Variants in ZZEF1 observed in about 807,000 individuals in gnomAD.
ZZEF1 encodes zinc finger ZZ-type and EF-hand domain containing 1, also known as zinc finger ZZ-type and EF-hand domain-containing protein 1.
A neutral mutation model predicts 342.8 loss-of-function variants in ZZEF1; 157 were observed. The ratio of observed to expected loss-of-function variants is 0.46; its 90% CI spans 0.40 to 0.52. The LOEUF (loss-of-function observed/expected upper bound fraction) is 0.52, where lower values mean the gene tolerates loss of function less well. Ranked by LOEUF, ZZEF1 falls within the 20% of genes least tolerant of loss-of-function variation. The pLI, the probability that ZZEF1 is intolerant of heterozygous loss-of-function variation, is 0.00. For missense variants in ZZEF1, 3,480 were observed against 3,725.6 expected, an observed-to-expected ratio of 0.93 and a Z score of 1.72; for synonymous variants, 1,505 against 1,429.1, an observed-to-expected ratio of 1.05 and a Z score of -1.20.
intron 37 of ZZEF1, among the ~76,000 whole-genome samples, chr17:4,045,023 G>A (rs1163028201): frequency 2.6e-5 from 4 of 152,172 alleles, no homozygotes; most frequent in South Asian, 2.1e-4. Context: ...GCGTGGTGGC[G>A]TGAGCCTGTA....
intron 30 of ZZEF1, among the ~76,000 whole-genome samples, chr17:4,059,926 C>A (rs2057248875): frequency 6.6e-6 from 1 of 152,222 alleles, no homozygotes; most frequent in African/African-American, 2.4e-5. Flanking sequence ...GGTAGGACTC[C>A]AACAGCAGCC....
At chr17:4,102,060 A>G (rs2058136301) in intron 9 of ZZEF1, among the ~76,000 whole-genome samples, 1 of 152,226 alleles carries the variant, frequency 6.6e-6, no homozygotes, top group South Asian at 2.1e-4. Flanking sequence ...AAAAAATAGT[A>G]ACTTTTTATA....
At chr17:4,026,678 G>A (rs183654324) in intron 42 of ZZEF1, among the ~76,000 whole-genome samples, 12 of 151,502 alleles carry the variant, frequency 7.9e-5, no homozygotes, top group South Asian at 2.1e-4. Context: ...TCCACCACAC[G>A]CCCAGATATT....
Position 4,130,926 on chromosome 17 carries a change from C to T in ZZEF1, c.355-6875G>A, listed in dbSNP as rs555174721. Among the ~76,000 whole-genome samples the T allele has an allele frequency of 3.9e-5, 6 of 152,158 alleles. No individual in the cohort carries two copies. The South Asian group carries it at 1.0e-3, about 26-fold the overall frequency. ...GTTTCTATGTCAAAGGTCAAGAATC[C>T]GAATGGGACTCGATCAGCAGTCACA... On this transcript the variant is annotated intron_variant, in intron 1 of 54. Coordinates refer to ENST00000381638, the MANE Select transcript of ZZEF1 (RefSeq NM_015113.4).
chr17:4,059,441 G>T, intron 30 of ZZEF1, 151 bp from the exon 31 acceptor site: 1 of 953,884 alleles, frequency 1.0e-6, no homozygotes, highest in Non-Finnish European at 1.5e-6. Context: ...AATACCTATA[G>T]AAGGTAACAC....
intron 1 of ZZEF1, among the ~76,000 whole-genome samples, chr17:4,138,110 G>A (rs2058783875): frequency 6.6e-6 from 1 of 152,200 alleles, no homozygotes; most frequent in Admixed American, 6.5e-5. Flanking sequence ...GCTGATGTGT[G>A]GGCTTCAACC....
chr17:4,016,700 C>A lies in ZZEF1; in HGVS notation c.8002-234G>T, dbSNP rs542560508. On this transcript the variant is annotated intron_variant, in intron 48 of 54. Transcript: ENST00000381638. The surrounding 1 kb of genome is among the most constrained non-coding windows in gnomAD (Gnocchi z 4.4). ...CAGAATGATGCTACTTAGAGGTGGT[C>A]TGAAAGAACTAACTGAACCAATCAT... The A allele has an allele frequency of 4.1e-5, 19 of 468,390 alleles. No individual in the cohort carries two copies. The Admixed American group carries it at 6.5e-4, about 16-fold the overall frequency. The allele number at this position is 468,390 out of a possible 1,614,324, so 29.0% of individuals were successfully genotyped here.
chr17:4,037,931 C>G lies in ZZEF1; in HGVS notation c.6307-3639G>C, dbSNP rs192170565. 4.7e-3 allele frequency among the ~76,000 whole-genome samples: 713 copies of G among 152,266 alleles called. 3 individuals carry two copies. The highest frequency in any genetic ancestry group is 7.9e-3 in the Non-Finnish European group (537 of 68,022). On this transcript the variant is annotated intron_variant, in intron 39 of 54. Transcript: ENST00000381638. Reference sequence around the variant, plus strand: ...CCATAAAAGACACTTTTGGAGCAAACTAGTGAAACTTGAGTAGGGAGTAAG... The same window carrying G: ...CCATAAAAGACACTTTTGGAGCAAAGTAGTGAAACTTGAGTAGGGAGTAAG...
At chr17:4,027,678 C>A (rs958113057) in intron 42 of ZZEF1, among the ~76,000 whole-genome samples, 1 of 150,032 alleles carries the variant, frequency 6.7e-6, no homozygotes, top group South Asian at 2.1e-4. Flanking sequence ...TAGCTCACTG[C>A]AGCCTTGATC....
intron 4 of ZZEF1, 130 bp downstream of exon 4, chr17:4,114,169 T>C (rs942593111): frequency 7.8e-6 from 5 of 638,682 alleles, no homozygotes; most frequent in Admixed American, 3.6e-5. Context: ...CCAGGTTACA[T>C]GATTTTACAT....
At position 4,032,916 on chromosome 17, in the gene ZZEF1, G is replaced by A. The variant is rs2056580572; in HGVS notation, c.6671C>T (p.Thr2224Ile). Residue 2224 changes from threonine (T) to isoleucine (I), a missense_variant, in exon 41 of 55, where the codon ACC becomes ATC. Thr to Ile is a moderately conservative substitution (Grantham distance 89). Transcript: ENST00000381638. Reference sequence around the variant, plus strand: ...CTGCTTGATGCAGTGGTCTGTGAAGGTGGCAATGACATCACGCCACAGTGG... The same window carrying A: ...CTGCTTGATGCAGTGGTCTGTGAAGATGGCAATGACATCACGCCACAGTGG... ...SAPLWRDVIA[T>I]FTDHCIKQLP... The A allele has an allele frequency of 6.2e-7, 1 of 1,613,736 alleles. No individual in the cohort carries two copies. Among genetic ancestry groups the A allele is most frequent in the Non-Finnish European group, 8.5e-7 (1 of 1,179,902 alleles).
intron 37 of ZZEF1, among the ~76,000 whole-genome samples, chr17:4,047,625 AGAGT>A (rs1368114385): frequency 6.6e-6 from 1 of 151,286 alleles, no homozygotes; most frequent in African/African-American, 2.4e-5. Flanking sequence ...CCTGGGCAAC[AGAGT>A]GAGACCCTGT....
rs1250942470 is a variant in ZZEF1, at chr17:4,017,705, G to A, written c.7667C>T (p.Ala2556Val). 1.9e-6 allele frequency: 3 copies of A among 1,613,210 alleles called. No homozygotes were observed. The highest frequency in any genetic ancestry group is 1.7e-5 in the Admixed American group (1 of 60,032). ...CLSRPARCDQATAESNPVTQK... is the reference protein window; with the variant it reads ...CLSRPARCDQVTAESNPVTQK... ...GGTCACAGGGTTCGATTCAGCAGTGGCTTGGTCACAGCGTGCAGGCCGGGA... is the reference window on the plus strand; with the variant it reads ...GGTCACAGGGTTCGATTCAGCAGTGACTTGGTCACAGCGTGCAGGCCGGGA... The change falls in exon 48 of 55, where the codon GCC (alanine) becomes GTC (valine). Residue 2556 changes from alanine to valine, a missense_variant. Physicochemically the swap from Ala to Val is moderately conservative, Grantham distance 64. Around this residue, in one of 5 missense-constraint regions of ZZEF1, gnomAD observed 1,269 missense variants for 1,342.4 expected, o/e 0.95. Transcript: ENST00000381638. This position sits in a 1 kb window ranked among gnomAD's most constrained non-coding sequence, Gnocchi z 5.1.
chr17:4,074,111 G>A (rs751888190), intron 24 of ZZEF1, 39 bp downstream of exon 24: 8 of 1,606,414 alleles, frequency 5.0e-6, no homozygotes, highest in Middle Eastern at 1.7e-4. Context: ...GCACTTCACC[G>A]TGGTTGTAAG....
At chr17:4,063,831 A>G (rs1441241438) in intron 29 of ZZEF1, among the ~76,000 whole-genome samples, 1 of 151,114 alleles carries the variant, frequency 6.6e-6, no homozygotes, top group Non-Finnish European at 1.5e-5. Flanking sequence ...AACTTTGAGC[A>G]ATTCTCCTGC....
intron 42 of ZZEF1, among the ~76,000 whole-genome samples, chr17:4,030,027 TAAA>T (rs66993338): frequency 1.5e-5 from 2 of 130,912 alleles, no homozygotes; most frequent in African/African-American, 2.7e-5. Context: ...GAGATCCTAT[TAAA>T]AAAAAAAAAA....
chr17:4,028,531 G>A (rs2056467516), intron 42 of ZZEF1, among the ~76,000 whole-genome samples: 1 of 148,954 alleles, frequency 6.7e-6, no homozygotes, highest in Non-Finnish European at 1.5e-5. Flanking sequence ...CCTGGGTGAT[G>A]GAGTAAGACT....
At chr17:4,047,241 CT>C (rs1390752003) in intron 37 of ZZEF1, among the ~76,000 whole-genome samples, 4 of 152,160 alleles carry the variant, frequency 2.6e-5, no homozygotes, top group African/African-American at 7.2e-5. Context: ...ACATCTTTCT[CT>C]ATCAAAAATT....
At chr17:4,120,732 G>C (rs1286242181) in intron 2 of ZZEF1, among the ~76,000 whole-genome samples, 2 of 152,214 alleles carry the variant, frequency 1.3e-5, no homozygotes, top group African/African-American at 4.8e-5. Flanking sequence ...CCCGAGCTCA[G>C]GAGTTCAAGA....
Sources: allele counts gnomAD v4.1 joint callset (sites outside exome capture counted in the v4.1 genomes callset), GRCh38; gene constraint gnomAD v4.1.1; regional missense constraint gnomAD v4.1.1; non-coding constraint Gnocchi (gnomAD v3.1); transcripts MANE v1.5; gene names NCBI Gene and HGNC (gene_info 2026-07-23, HGNC 2026-07-21).